Variants in STX3 observed in about 807,000 individuals in gnomAD.
The protein encoded by STX3 is syntaxin-3.
In STX3, 19 loss-of-function variants were observed where a neutral mutation model predicts 40.2. The observed-to-expected ratio is 0.47, with a 90% CI of 0.33 to 0.69. STX3 has a LOEUF of 0.69. Among genes scored for constraint, STX3 ranks in the 30% least tolerant of loss-of-function variants. The pLI, the probability that STX3 is intolerant of heterozygous loss-of-function variation, is 0.02. For synonymous variants in STX3, 122 were observed against 132.2 expected (o/e 0.92, Z 0.53); for missense variants, 364 against 366.7 (o/e 0.99, Z 0.06).
chr11:59,762,131 T>A (rs1354178646), intron 1 of STX3, among the ~76,000 whole-genome samples: 1 of 152,208 alleles, frequency 6.6e-6, no homozygotes, highest in Non-Finnish European at 1.5e-5. Flanking sequence ...TGTCTGACAA[T>A]TGCTTAGTCT....
intron 10 of STX3, among the ~76,000 whole-genome samples, chr11:59,799,323 CA>C (rs1364310502): frequency 8.1e-6 from 1 of 123,512 alleles, no homozygotes; most frequent in East Asian, 2.1e-4. Flanking sequence ...TTCACATACT[CA>C]GACATAGTTT....
chr11:59,795,952 G>A (rs1175515784), intron 9 of STX3, among the ~76,000 whole-genome samples: 4 of 152,170 alleles, frequency 2.6e-5, no homozygotes, highest in African/African-American at 9.7e-5. Flanking sequence ...AGTTCTGTAG[G>A]ATGGATGCAT....
At chr11:59,774,739 G>A (rs971001756) in intron 2 of STX3, among the ~76,000 whole-genome samples, 2 of 152,108 alleles carry the variant, frequency 1.3e-5, no homozygotes, top group East Asian at 1.9e-4. Context: ...GCTGAGGCAG[G>A]AGAATCGCTT....
upstream of STX3, chr11:59,755,150 C>CTCTTG (rs1205776386): frequency 6.4e-6 from 1 of 155,478 alleles, no homozygotes; most frequent in African/African-American, 2.4e-5. Context: ...CAGACAGTCG[C>CTCTTG]TCTTGCTCTT....
At chr11:59,788,762 TG>T in intron 3 of STX3, 110 bp from the exon 4 acceptor site, 1 of 790,980 alleles carries the variant, frequency 1.3e-6, no homozygotes, top group Non-Finnish European at 2.0e-6. Context: ...AATACCATTC[TG>T]GGCAGTGGAT....
intron 1 of STX3, 52 bp downstream of exon 1, chr11:59,755,687 G>A (rs774136409): frequency 6.5e-7 from 1 of 1,549,238 alleles, no homozygotes; most frequent in South Asian, 1.2e-5. Flanking sequence ...GCATGGGAGA[G>A]GGGCTTCCCT....
At chr11:59,778,533 G>A (rs532210756) in intron 2 of STX3, among the ~76,000 whole-genome samples, 19 of 152,274 alleles carry the variant, frequency 1.2e-4, no homozygotes, top group African/African-American at 4.1e-4. Flanking sequence ...TCAGATTTCT[G>A]TTAAAAAGAA....
At position 59,793,308 on chromosome 11, in the gene STX3, G is replaced by A. The variant is rs11823551; in HGVS notation, c.541-72G>A. On this transcript the variant is annotated intron_variant, in intron 7 of 10. Coordinates refer to ENST00000337979, the MANE Select transcript of STX3 (RefSeq NM_004177.5). ...GGGAGGCAAGGAGCTCCCCAGGAGC[G>A]TGCATGAGGGCTGTGGCAGGGGCAG... The A allele has an allele frequency of 7.0e-4, 1,121 of 1,602,856 alleles. 7 individuals carry two copies. The African/African-American group carries it at 0.013, about 18-fold the overall frequency.
chr11:59,802,769 AT>A lies in STX3; in HGVS notation c.*1947del. On this transcript the variant is annotated 3_prime_UTR_variant, in exon 11 of 11. Transcript: ENST00000337979. ...CTGGTGCCACCATGTGGTGATTTTT[AT>A]TCAGGTTTTAGAATGCAGTTCACAC... 1.0e-6 allele frequency: 1 copy of A among 986,150 alleles called. No homozygotes were observed. The highest frequency in any genetic ancestry group is 1.2e-6 in the Non-Finnish European group (1 of 830,302). The allele number at this position is 986,150 out of a possible 1,614,324, so 61.1% of individuals were successfully genotyped here.
chr11:59,778,865 G>A (rs1455331013), intron 2 of STX3, among the ~76,000 whole-genome samples: 1 of 125,336 alleles, frequency 8.0e-6, no homozygotes. Context: ...ATGAAGTTTC[G>A]CTCTTGTCGC....
intron 2 of STX3, among the ~76,000 whole-genome samples, chr11:59,779,517 A>G (rs559467020): frequency 4.5e-4 from 69 of 152,244 alleles, no homozygotes; most frequent in Non-Finnish European, 8.5e-4. Context: ...TTCAGTCCAT[A>G]AGAAGTATGC....
chr11:59,786,995 CT>C, intron 2 of STX3, 41 bp from the exon 3 acceptor site: 1 of 1,562,484 alleles, frequency 6.4e-7, no homozygotes, highest in Non-Finnish European at 8.8e-7. Context: ...TGGACCTGTA[CT>C]TCCTCTTTGA....
At chr11:59,776,884 A>G (rs1263159250) in intron 2 of STX3, among the ~76,000 whole-genome samples, 10 of 152,196 alleles carry the variant, frequency 6.6e-5, no homozygotes, top group Admixed American at 6.5e-4. Context: ...GCAGTTGTCT[A>G]TATTTTTCTT....
chr11:59,758,922 C>G (rs1862879857), intron 1 of STX3, among the ~76,000 whole-genome samples: 1 of 152,146 alleles, frequency 6.6e-6, no homozygotes, highest in African/African-American at 2.4e-5. Flanking sequence ...TTAGAAAGTT[C>G]ATGGTCAGGT....
At chr11:59,790,794 G>T (rs994336876) in intron 5 of STX3, among the ~76,000 whole-genome samples, 1 of 152,144 alleles carries the variant, frequency 6.6e-6, no homozygotes, top group African/African-American at 2.4e-5. Context: ...TCTCTAAGGA[G>T]GCCCCTGAAG....
rs942342702 is a variant in STX3 at position 59,805,866 on chromosome 11, T to C, written c.*5042T>C. ...ATGGGTAGCTGGGCATCAATAAATA[T>C]TGAATCAATTGACCTATGTACTGTT... On this transcript the variant is annotated 3_prime_UTR_variant, in exon 11 of 11. Coordinates refer to ENST00000337979, the MANE Select transcript of STX3 (RefSeq NM_004177.5). 6.5e-6 allele frequency: 1 copy of C among 153,600 alleles called. No individual in the cohort carries two copies. Among genetic ancestry groups the C allele is most frequent in the Non-Finnish European group, 1.5e-5 (1 of 68,950 alleles). 9.5% of individuals were successfully genotyped at this position (153,600 alleles called of 1,614,324 possible). A position where few individuals can be genotyped will look rare whatever the true frequency, so the allele number is the denominator to read the frequency against.
chr11:59,801,140 C>G lies in STX3; in HGVS notation c.*316C>G. 7.6e-7 allele frequency: 1 copy of G among 1,317,776 alleles called. No homozygotes were observed. Among genetic ancestry groups the G allele is most frequent in the South Asian group, 2.2e-5 (1 of 46,062 alleles). 81.6% of individuals were successfully genotyped at this position (1,317,776 alleles called of 1,614,324 possible). On this transcript the variant is annotated 3_prime_UTR_variant, in exon 11 of 11. Coordinates refer to ENST00000337979, the MANE Select transcript of STX3 (RefSeq NM_004177.5). ...CTCCCTGTTGTGTGTCAGATTATGC[C>G]TTGCACTTGGGAAAGCTCTTGTGAG... is the stretch of plus-strand genomic sequence containing the variant.
At chr11:59,793,659 A>G (rs981278545) in intron 8 of STX3, 145 bp downstream of exon 8, 2 of 1,180,478 alleles carry the variant, frequency 1.7e-6, no homozygotes, top group South Asian at 1.7e-5. Flanking sequence ...ACAGAATCCC[A>G]TGGGAAAGTG....
At chr11:59,790,655 A>ATTT in intron 5 of STX3, 69 bp downstream of exon 5, 1 of 955,094 alleles carries the variant, frequency 1.0e-6, no homozygotes, top group Non-Finnish European at 1.6e-6. Context: ...CTGTGGAGGG[A>ATTT]TTTTTTTTTT....
Sources: gnomAD v4.1 joint callset for allele counts (sites outside exome capture counted in the v4.1 genomes callset) on GRCh38, gnomAD v4.1.1 for gene constraint, MANE v1.5 for transcripts, NCBI Gene and HGNC (gene_info 2026-07-23, HGNC 2026-07-21) for gene names.